The following BAZ2B variants were observed in gnomAD, a reference collection of about 807,000 sequenced individuals.
BAZ2B encodes the protein bromodomain adjacent to zinc finger domain protein 2B.
BAZ2B carries 91 observed loss-of-function variants against 246.0 expected under a neutral mutation model. The ratio of observed to expected loss-of-function variants is 0.37; its 90% CI spans 0.31 to 0.44. BAZ2B has a LOEUF of 0.44. BAZ2B is among the 20% of genes least tolerant of loss of function. BAZ2B has a pLI of 1.00. For missense variants in BAZ2B, 2,332 were observed against 2,533.7 expected (o/e 0.92, Z 1.71); for synonymous variants, 855 against 860.0 (o/e 0.99, Z 0.10).
chr2:159,347,433 A>G lies in BAZ2B; in HGVS notation c.5454+53T>C, dbSNP rs971514270. ...AGCATATATTAGGCAAGTAATAAACATTAGTTATCTTCCATTATCCTAAAA... is the reference window on the plus strand; with the variant it reads ...AGCATATATTAGGCAAGTAATAAACGTTAGTTATCTTCCATTATCCTAAAA... On this transcript the variant is annotated intron_variant, in intron 31 of 36. Coordinates refer to ENST00000392783, the MANE Select transcript of BAZ2B (RefSeq NM_013450.4). The G allele has an allele frequency of 3.9e-6, 6 of 1,542,026 alleles. No homozygotes were observed. The African/African-American group carries it at 4.1e-5, about 11-fold the overall frequency.
In BAZ2B at chr2:159,431,004, T is replaced by G. The variant is rs755731749; in HGVS notation, c.2053A>C (p.Ser685Arg). Residue 685 changes from serine (S) to arginine (R), a missense_variant, in exon 10 of 37, where the codon AGT (serine) becomes CGT (arginine). Physicochemically the swap from Ser to Arg is moderately radical, Grantham distance 110. Coordinates refer to ENST00000392783, the MANE Select transcript of BAZ2B (RefSeq NM_013450.4). ...TTSSVKSPSM[S>R]LTGHSTPRNL... ...CGAGGTGTTGAGTGACCTGTGAGAC[T>G]CATGGAAGGGCTTTTGACAGAGGAA... 1 of 1,614,028 alleles carries G rather than the reference T, an allele frequency of 6.2e-7. No individual in the cohort carries two copies. Among genetic ancestry groups the G allele is most frequent in the South Asian group, 1.1e-5 (1 of 91,078 alleles).
chr2:159,690,580 T>G, the BAZ2B span, among the ~76,000 whole-genome samples: 1 of 151,608 alleles, frequency 6.6e-6, no homozygotes, highest in Admixed American at 6.6e-5. Flanking sequence ...GATTTATTAT[T>G]TGAGTTAGTT....
the BAZ2B span, among the ~76,000 whole-genome samples, chr2:159,650,286 C>T: frequency 6.6e-6 from 1 of 150,670 alleles, no homozygotes; most frequent in Non-Finnish European, 1.5e-5. Context: ...AGGTGCTGAA[C>T]ATGTTTGTAT....
At chr2:159,515,640 A>C (rs2083361698) in intron 2 of BAZ2B, among the ~76,000 whole-genome samples, 1 of 152,136 alleles carries the variant, frequency 6.6e-6, no homozygotes, top group Admixed American at 6.5e-5. Flanking sequence ...AAGCACTCAC[A>C]CAGACAGTAG....
chr2:159,507,964 C>T (rs192653760), intron 2 of BAZ2B, among the ~76,000 whole-genome samples: 4 of 152,204 alleles, frequency 2.6e-5, no homozygotes, highest in East Asian at 1.9e-4. Flanking sequence ...CTCCACCTCC[C>T]GGTTCAAGTG....
intron 2 of BAZ2B, among the ~76,000 whole-genome samples, chr2:159,502,813 C>T (rs1324745339): frequency 6.6e-6 from 1 of 152,148 alleles, no homozygotes; most frequent in Non-Finnish European, 1.5e-5. Flanking sequence ...TATGCTGAGA[C>T]AGAAAATCAA....
chr2:159,708,553 ATTTATTTATTTATTTATTTATTTATTTC>A, the BAZ2B span, among the ~76,000 whole-genome samples: 3 of 28,768 alleles, frequency 1.0e-4, no homozygotes, highest in Admixed American at 2.2e-4. Flanking sequence ...CCTTTTATTT[ATTTATTTATTTATTTATTTATTTATTTC>A]TTTATTTATT....
intron 2 of BAZ2B, among the ~76,000 whole-genome samples, chr2:159,520,138 C>T (rs1263023549): frequency 1.3e-5 from 2 of 152,058 alleles, no homozygotes. Flanking sequence ...TGATGTCAAA[C>T]GACATGCTAC....
intron 17 of BAZ2B, 115 bp downstream of exon 17, chr2:159,400,484 G>C: frequency 1.5e-6 from 1 of 651,284 alleles, no homozygotes; most frequent in Non-Finnish European, 2.7e-6. Flanking sequence ...AATGTTTAAA[G>C]AGAATATCTG....
At chr2:159,487,076 C>T (rs2079920651) in intron 2 of BAZ2B, among the ~76,000 whole-genome samples, 1 of 152,046 alleles carries the variant, frequency 6.6e-6, no homozygotes, top group Admixed American at 6.6e-5. Flanking sequence ...AATTATTTTT[C>T]ACCACATATT....
At chr2:159,633,152 CT>C in the BAZ2B span, among the ~76,000 whole-genome samples, 93,157 of 144,872 alleles carry the variant, frequency 0.64, 29,676 homozygotes, top group Admixed American at 0.7. Flanking sequence ...CCCAGAAAGT[CT>C]TTTTTTTTTT....
chr2:159,609,179 A>G (rs1340883890), intron 1 of BAZ2B, among the ~76,000 whole-genome samples: 1 of 152,224 alleles, frequency 6.6e-6, no homozygotes, highest in Non-Finnish European at 1.5e-5. Flanking sequence ...CATGCAGGAA[A>G]CTATTATAGC....
At chr2:159,320,590 T>A (rs2062600829) in intron 36 of BAZ2B, among the ~76,000 whole-genome samples, 172 bp from the exon 37 acceptor site, 1 of 152,228 alleles carries the variant, frequency 6.6e-6, no homozygotes, top group Non-Finnish European at 1.5e-5. Context: ...AACATTTTTG[T>A]ATGTTCTGGA....
intron 1 of BAZ2B, among the ~76,000 whole-genome samples, chr2:159,602,915 C>A (rs1174898633): frequency 2.6e-5 from 4 of 152,144 alleles, no homozygotes; most frequent in Non-Finnish European, 5.9e-5. Context: ...GGAGGGTGGA[C>A]TGCTTCAGGC....
chr2:159,405,218 A>ATT, intron 14 of BAZ2B, 104 bp from the exon 15 acceptor site: 2 of 925,674 alleles, frequency 2.2e-6, no homozygotes, highest in Non-Finnish European at 3.1e-6. Flanking sequence ...TATAATTATT[A>ATT]CTTTTTTTTT....
At chr2:159,497,304 C>T (rs1262956745) in intron 2 of BAZ2B, among the ~76,000 whole-genome samples, 2 of 152,264 alleles carry the variant, frequency 1.3e-5, no homozygotes, top group East Asian at 1.9e-4. Context: ...TAAATGATGA[C>T]AGTTTTCATA....
chr2:159,627,045 C>T, the BAZ2B span, among the ~76,000 whole-genome samples: 93 of 152,130 alleles, frequency 6.1e-4, 1 homozygote, highest in Middle Eastern at 3.4e-3. Context: ...AACACCTCTA[C>T]GCAAATAAAC....
the BAZ2B span, among the ~76,000 whole-genome samples, chr2:159,622,904 C>T: frequency 6.7e-6 from 1 of 149,914 alleles, no homozygotes; most frequent in South Asian, 2.1e-4. Context: ...CCTGGGAGGT[C>T]CAGGCTGCAG....
the BAZ2B span, among the ~76,000 whole-genome samples, chr2:159,662,521 T>C: frequency 6.6e-6 from 1 of 152,126 alleles, no homozygotes; most frequent in East Asian, 1.9e-4. Context: ...CTTTTGTTTG[T>C]TTGTTTCGCT....
Sources: allele counts gnomAD v4.1 joint callset (sites outside exome capture counted in the v4.1 genomes callset), GRCh38; gene constraint gnomAD v4.1.1; transcripts MANE v1.5; gene names NCBI Gene and HGNC (gene_info 2026-07-23, HGNC 2026-07-21).